The following DNAH17 variants were observed in gnomAD, a reference collection of about 807,000 sequenced individuals.
DNAH17 encodes dynein axonemal heavy chain 17.
A neutral mutation model predicts 485.6 loss-of-function variants in DNAH17; 376 were observed. The observed-to-expected ratio is 0.77, with a 90% CI of 0.71 to 0.84. The LOEUF (loss-of-function observed/expected upper bound fraction) is 0.84, where lower values mean the gene tolerates loss of function less well. DNAH17 is among the 40% of genes least tolerant of loss of function. The probability of loss-of-function intolerance (pLI) is 0.00; values close to 1 mark genes in which losing one functional copy is unlikely to be tolerated. For synonymous variants in DNAH17, 3,031 were observed against 2,405.9 expected (o/e 1.26, Z -7.60); for missense variants, 6,370 against 5,839.3 (o/e 1.09, Z -2.96).
At position 78,490,806 on chromosome 17, in the gene DNAH17, G is replaced by A. The variant is rs761394247; in HGVS notation, c.6711C>T (p.Arg2237=). 2.5e-6 allele frequency: 4 copies of A among 1,604,524 alleles called. No individual in the cohort carries two copies. Among genetic ancestry groups the A allele is most frequent in the East Asian group, 2.2e-5 (1 of 44,476 alleles). ...LASNERIPLN[R]TMRLVFEISH... is the part of the protein sequence containing the mutation. The stretch of plus-strand genomic sequence containing the variant: ...TGATTTCGAACACCAGCCTCATGGT[G>A]CGGTTCAGGGGGATCCGCTCGTTGC... Residue 2237 remains arginine, a synonymous_variant, in exon 44 of 81, where the codon CGC becomes CGT. Coordinates refer to ENST00000389840, the MANE Select transcript of DNAH17 (RefSeq NM_173628.4).
chr17:78,531,992 G>C (rs985637061), intron 20 of DNAH17, among the ~76,000 whole-genome samples: 1 of 152,162 alleles, frequency 6.6e-6, no homozygotes, highest in African/African-American at 2.4e-5. Context: ...ATATGCAAAT[G>C]AGCCAACCCG....
chr17:78,444,370 G>T (rs1411656635), intron 71 of DNAH17, among the ~76,000 whole-genome samples: 1 of 152,228 alleles, frequency 6.6e-6, no homozygotes, highest in African/African-American at 2.4e-5. Context: ...GGATTAACAA[G>T]AACTCAGGAC....
At chr17:78,526,454 G>A (rs1003640606) in intron 24 of DNAH17, among the ~76,000 whole-genome samples, 197 bp downstream of exon 24, 5 of 152,138 alleles carry the variant, frequency 3.3e-5, no homozygotes, top group African/African-American at 1.2e-4. Flanking sequence ...GGGCTGCTCG[G>A]TTTGCATGTT....
intron 16 of DNAH17, among the ~76,000 whole-genome samples, chr17:78,550,297 CAG>C (rs939618237): frequency 9.2e-5 from 14 of 152,402 alleles, no homozygotes; most frequent in African/African-American, 1.2e-4. Flanking sequence ...ACGCCCCAGA[CAG>C]AGAGGACAGG....
intron 56 of DNAH17, 70 bp from the exon 57 acceptor site, chr17:78,463,147 A>C (rs2088225762): frequency 2.8e-6 from 4 of 1,438,386 alleles, no homozygotes; most frequent in Non-Finnish European, 3.9e-6. Context: ...GGCTCCCCAG[A>C]CTCACCAGGG....
chr17:78,499,106 C>T lies in DNAH17; in HGVS notation c.5647G>A (p.Gly1883Arg). The T allele has an allele frequency of 6.3e-7, 1 of 1,596,516 alleles. No individual in the cohort carries two copies. The highest frequency in any genetic ancestry group is 8.5e-7 in the Non-Finnish European group (1 of 1,171,966). Residue 1883 changes from glycine to arginine, a missense_variant, in exon 37 of 81, where the codon GGA (glycine) becomes AGA (arginine). Transcript: ENST00000389840. ...CSEQMDYKSCGNIYKGLAQTG... is the reference protein window; with the variant it reads ...CSEQMDYKSCRNIYKGLAQTG... ...TGGGCCAGGCCCTTGTAGATATTTC[C>T]ACAGGACTGGAAAGGGCGAGATGGA... is the stretch of plus-strand genomic sequence containing the variant.
chr17:78,539,240 AAAAAT>A (rs1387701547), intron 18 of DNAH17, among the ~76,000 whole-genome samples: 4 of 152,154 alleles, frequency 2.6e-5, no homozygotes, highest in Non-Finnish European at 4.4e-5. Flanking sequence ...AAAAAAATAA[AAAAAT>A]AAAATAAAAA....
chr17:78,525,947 A>G (rs148479427), intron 24 of DNAH17, among the ~76,000 whole-genome samples: 2 of 152,278 alleles, frequency 1.3e-5, no homozygotes, highest in Non-Finnish European at 2.9e-5. Flanking sequence ...TGGGGTTCAC[A>G]TTTGCTAGAG....
intron 29 of DNAH17, among the ~76,000 whole-genome samples, 177 bp downstream of exon 29, chr17:78,507,100 GT>G (rs1420557763): frequency 6.6e-6 from 1 of 152,218 alleles, no homozygotes; most frequent in African/African-American, 2.4e-5. Flanking sequence ...AAGGCATCAC[GT>G]GGTGGGATGA....
chr17:78,513,218 A>G (rs2090683688), intron 26 of DNAH17, among the ~76,000 whole-genome samples: 2 of 152,170 alleles, frequency 1.3e-5, no homozygotes, highest in Admixed American at 1.3e-4. Flanking sequence ...ATTCAGGCAC[A>G]GCTGACCAGC....
chr17:78,482,775 A>G (rs1175876624), intron 48 of DNAH17, among the ~76,000 whole-genome samples: 3 of 152,110 alleles, frequency 2.0e-5, no homozygotes, highest in Non-Finnish European at 4.4e-5. Flanking sequence ...TCGTGGGGCC[A>G]TGTTAATCTG....
At chr17:78,484,834 C>A in intron 48 of DNAH17, 34 bp downstream of exon 48, 1 of 1,501,216 alleles carries the variant, frequency 6.7e-7, no homozygotes, top group Non-Finnish European at 8.9e-7. Flanking sequence ...CGCCCCGGGG[C>A]CACGCCTTCC....
intron 20 of DNAH17, among the ~76,000 whole-genome samples, chr17:78,531,524 C>G (rs28875824): frequency 0.79 from 119,308 of 151,720 alleles, 47,556 homozygotes; most frequent in African/African-American, 0.91. Context: ...ATTTTCAGTA[C>G]AGATGGGGTT....
intron 22 of DNAH17, among the ~76,000 whole-genome samples, chr17:78,527,218 A>G (rs1321486271): frequency 6.6e-6 from 1 of 152,050 alleles, no homozygotes; most frequent in African/African-American, 2.4e-5. Context: ...CCCCATCTCT[A>G]CAAAAAATAC....
chr17:78,526,687 G>A lies in DNAH17; in HGVS notation c.3675C>T (p.Ser1225=), dbSNP rs1278509216. 1 of 1,610,826 alleles carries A rather than the reference G, an allele frequency of 6.2e-7. No homozygotes were observed. Among genetic ancestry groups the A allele is most frequent in the East Asian group, 2.2e-5 (1 of 44,788 alleles). ...ACTTGTAGGGGTTGGGGTCGCTGAAGGAGAACGGGGCCTCGCGCCTGAACC... is the reference window on the plus strand; with the variant it reads ...ACTTGTAGGGGTTGGGGTCGCTGAAAGAGAACGGGGCCTCGCGCCTGAACC... ...RERFRREAPF[S]FSDPNPYKSL... The change falls in exon 24 of 81, where the codon TCC becomes TCT. Residue 1225 remains serine (S), a synonymous_variant. Transcript: ENST00000389840.
At position 78,494,212 on chromosome 17, in the gene DNAH17, C is replaced by T. The variant is rs780316833; in HGVS notation, c.6271-39G>A. 7 of 1,585,614 alleles carry T rather than the reference C, an allele frequency of 4.4e-6. No homozygotes were observed. In the East Asian group the frequency reaches 1.6e-4, roughly 36 times the overall value. On this transcript the variant is annotated intron_variant, in intron 40 of 80. Transcript: ENST00000389840. ...GATGAGGCTGGGTGAGGAACTGAAG[C>T]AGCTTTTCTTTCTTCTCGCTGGGAG...
intron 26 of DNAH17, 93 bp downstream of exon 26, chr17:78,514,681 T>C (rs1423599408): frequency 6.5e-5 from 98 of 1,496,542 alleles, no homozygotes; most frequent in Non-Finnish European, 8.6e-5. Context: ...CATCGGGCCC[T>C]GAACACCTTG....
At position 78,526,562 on chromosome 17, in the gene DNAH17, T is replaced by C. The variant is rs1039202815; in HGVS notation, c.3711+89A>G. On this transcript the variant is annotated intron_variant, in intron 24 of 80. Coordinates refer to ENST00000389840, the MANE Select transcript of DNAH17 (RefSeq NM_173628.4). Reference sequence around the variant, plus strand: ...CAAGGTCAGTCCGGCGGAGACCACGTTTCTGGACTTGAAAGGATAACTACT... The same window carrying C: ...CAAGGTCAGTCCGGCGGAGACCACGCTTCTGGACTTGAAAGGATAACTACT... 7.6e-6 allele frequency: 9 copies of C among 1,188,916 alleles called. No individual in the cohort carries two copies. In the Admixed American group the frequency reaches 2.0e-4, roughly 27 times the overall value. The allele number at this position is 1,188,916 out of a possible 1,614,324, so 73.6% of individuals were successfully genotyped here.
rs541838682 is a variant in DNAH17 at position 78,568,897 on chromosome 17, G to C, written c.1284+269C>G. Among the ~76,000 whole-genome samples, 97 of 152,318 alleles carry C rather than the reference G, an allele frequency of 6.4e-4. 1 individual carries two copies. The South Asian group carries it at 0.017, about 27-fold the overall frequency. ...GCCCCCAGGCGTCCTGAACGTGGGG[G>C]TTTAACTTATCAGTAACCCGCTCAT... On this transcript the variant is annotated intron_variant, in intron 9 of 80. Coordinates refer to ENST00000389840, the MANE Select transcript of DNAH17 (RefSeq NM_173628.4).
Sources: gnomAD v4.1 joint callset for allele counts (sites outside exome capture counted in the v4.1 genomes callset) on GRCh38, gnomAD v4.1.1 for gene constraint, MANE v1.5 for transcripts, NCBI Gene and HGNC (gene_info 2026-07-23, HGNC 2026-07-21) for gene names.